Variants in UMOD observed in about 807,000 individuals in gnomAD.
UMOD encodes Tamm-Horsfall urinary glycoprotein.
UMOD carries 64 observed loss-of-function variants against 66.0 expected under a neutral mutation model. That is an observed-to-expected ratio of 0.97 (90% CI 0.79 to 1.19). The LOEUF is 1.19. UMOD is among the 50% of genes most tolerant of loss of function. The probability of loss-of-function intolerance (pLI) is 0.00; values close to 1 mark genes in which losing one functional copy is unlikely to be tolerated. For synonymous variants in UMOD, 398 were observed against 352.7 expected (o/e 1.13, Z -1.44); for missense variants, 764 against 850.9 (o/e 0.90, Z 1.27).
At position 20,350,847 on chromosome 16, in the gene UMOD, C is replaced by G. The variant is rs369625115; in HGVS notation, c.-102-8G>C. The G allele has an allele frequency of 5.1e-6, 8 of 1,559,598 alleles. No homozygotes were observed. In the East Asian group the frequency reaches 7.0e-5, roughly 14 times the overall value. ...TCTCTGATGTCTGGTGTCCTGTGAACAGAGATGGATGGGACAAATGCATGA... is the reference window on the plus strand; with the variant it reads ...TCTCTGATGTCTGGTGTCCTGTGAAGAGAGATGGATGGGACAAATGCATGA... On this transcript the variant is annotated splice_polypyrimidine_tract_variant and splice_region_variant and intron_variant, in intron 1 of 10. Transcript: ENST00000396138.
chr16:20,352,471 T>C (rs2141688078), intron 1 of UMOD: 2 of 392,266 alleles, frequency 5.1e-6, no homozygotes, highest in Non-Finnish European at 4.5e-6. Context: ...CTAATATTCA[T>C]GGAATAAGTC....
At chr16:20,345,197 A>T (rs1429445582) in intron 5 of UMOD, among the ~76,000 whole-genome samples, 1 of 152,072 alleles carries the variant, frequency 6.6e-6, no homozygotes, top group Non-Finnish European at 1.5e-5. Context: ...TATTTTTAGT[A>T]GAGAAGGGGT....
At chr16:20,341,746 T>C (rs528333733) in intron 6 of UMOD, among the ~76,000 whole-genome samples, 2 of 152,362 alleles carry the variant, frequency 1.3e-5, no homozygotes, top group South Asian at 2.1e-4. Context: ...GATTCCTTCT[T>C]TGGTCTCAAT....
At chr16:20,352,602 G>A (rs370017768) in intron 1 of UMOD, 87 bp downstream of exon 1, 2 of 1,058,124 alleles carry the variant, frequency 1.9e-6, no homozygotes, top group Non-Finnish European at 1.2e-6. Flanking sequence ...TGACCCCAGT[G>A]TCCAAGGTCT....
chr16:20,353,758 ATC>A (rs1448217931), upstream of UMOD, among the ~76,000 whole-genome samples: 279 of 138,254 alleles, frequency 2.0e-3, 1 homozygote, highest in African/African-American at 7.0e-3. Flanking sequence ...CACTGCATTG[ATC>A]TTTTTTTTTT....
chr16:20,348,994 C>G lies in UMOD; in HGVS notation c.307G>C (p.Gly103Arg), dbSNP rs28934584. 1 of 1,577,554 alleles carries G rather than the reference C, an allele frequency of 6.3e-7. No homozygotes were observed. Among genetic ancestry groups the G allele is most frequent in the Non-Finnish European group, 8.6e-7 (1 of 1,161,752 alleles). ...TCATCCACGTCTGTGCAGCCGAGAC[C>G]GGGCGACAGGCGGAAGCCTTCGGGG... ...VCPEGFRLSP[G>R]LGCTDVDECA... Residue 103 changes from glycine (G) to arginine (R), a missense_variant, in exon 3 of 11, where the codon GGT (glycine) becomes CGT (arginine). Gly to Arg is a moderately radical substitution (Grantham distance 125). Transcript: ENST00000396138.
Position 20,335,656 on chromosome 16 carries a change from C to T in UMOD, c.1823-136G>A, listed in dbSNP as rs1186324518. 1.5e-5 allele frequency: 12 copies of T among 824,002 alleles called. No homozygotes were observed. The East Asian group carries it at 1.9e-4, about 13-fold the overall frequency. 51.0% of individuals were successfully genotyped at this position (824,002 alleles called of 1,614,324 possible). A position where few individuals can be genotyped will look rare whatever the true frequency, so the allele number is the denominator to read the frequency against. ...TCAAAACCCAAATCTGATCATGTTA[C>T]TCCCCTACTTCAGACCCATCAGGGG... On this transcript the variant is annotated intron_variant, in intron 9 of 10. Coordinates refer to ENST00000396138, the MANE Select transcript of UMOD (RefSeq NM_003361.4).
At chr16:20,344,643 T>C (rs1446311366) in intron 5 of UMOD, among the ~76,000 whole-genome samples, 1 of 150,758 alleles carries the variant, frequency 6.6e-6, no homozygotes, top group Non-Finnish European at 1.5e-5. Context: ...AAACTCCCTG[T>C]GCAGCCTGAA....
chr16:20,339,423 A>C (rs1050161111), intron 7 of UMOD, among the ~76,000 whole-genome samples: 2 of 152,270 alleles, frequency 1.3e-5, no homozygotes, highest in Non-Finnish European at 2.9e-5. Flanking sequence ...GCAGACAAGT[A>C]TCACTTGCAT....
chr16:20,350,613 T>C, intron 2 of UMOD, 37 bp downstream of exon 2: 2 of 1,612,108 alleles, frequency 1.2e-6, no homozygotes, highest in Non-Finnish European at 1.7e-6. Flanking sequence ...TACACGTGCA[T>C]ACACACATAT....
In UMOD at chr16:20,333,272, G is replaced by T; in HGVS notation, c.*42C>A. ...GCATCATGCCCCCTGCCCAGCAGGA[G>T]GTGAGATGGCAGCCATGGAGCACAG... On this transcript the variant is annotated 3_prime_UTR_variant, in exon 11 of 11. Transcript: ENST00000396138. 3 of 1,596,436 alleles carry T rather than the reference G, an allele frequency of 1.9e-6. No individual in the cohort carries two copies. Among genetic ancestry groups the T allele is most frequent in the South Asian group, 2.2e-5 (2 of 89,526 alleles).
rs769028409 is a variant in UMOD, at chr16:20,335,473, TG to T, written c.1861+8del. The T allele has an allele frequency of 2.5e-6, 4 of 1,614,058 alleles. No homozygotes were observed. The South Asian group carries it at 4.4e-5, about 18-fold the overall frequency. ...AACAGGTCCCACTGCAGAAAGGACCTGAACTTACCCAAGCTGCTAAAAGCCC... is the reference window on the plus strand; with the variant it reads ...AACAGGTCCCACTGCAGAAAGGACCTAACTTACCCAAGCTGCTAAAAGCCC... On this transcript the variant is annotated splice_region_variant and intron_variant, in intron 10 of 10. Transcript: ENST00000396138.
chr16:20,351,723 G>GA (rs145915865), intron 1 of UMOD, among the ~76,000 whole-genome samples: 4,823 of 152,196 alleles, frequency 0.032, 148 homozygotes, highest in African/African-American at 0.075. Flanking sequence ...TGTACTAAAA[G>GA]AAAAACATTT....
chr16:20,335,651 T>A (rs1964829615), intron 9 of UMOD, 131 bp from the exon 10 acceptor site: 4 of 850,320 alleles, frequency 4.7e-6, no homozygotes, highest in Non-Finnish European at 7.8e-6. Context: ...AATCTGATCA[T>A]GTTACTCCCC....
intron 7 of UMOD, among the ~76,000 whole-genome samples, chr16:20,338,266 C>T (rs754838552): frequency 1.8e-4 from 27 of 152,180 alleles, no homozygotes; most frequent in Admixed American, 1.1e-3. Flanking sequence ...GAGGGCTCCA[C>T]GTGCTCAAGC....
chr16:20,333,227 T>G lies in UMOD; in HGVS notation c.*87A>C. ...TGAACAAAGCATGAACTTTCTTTTC[T>G]GTGGCTGGAGCACTGGCCCGCATCA... On this transcript the variant is annotated 3_prime_UTR_variant, in exon 11 of 11. Transcript: ENST00000396138. The G allele has an allele frequency of 7.3e-7, 1 of 1,362,368 alleles. No homozygotes were observed. The highest frequency in any genetic ancestry group is 1.0e-6 in the Non-Finnish European group (1 of 967,866). The allele number at this position is 1,362,368 out of a possible 1,614,324, so 84.4% of individuals were successfully genotyped here.
chr16:20,349,577 A>G, intron 2 of UMOD: 2 of 1,254,742 alleles, frequency 1.6e-6, no homozygotes, highest in Non-Finnish European at 2.1e-6. Context: ...CAGCTTCCCA[A>G]AAAGTTGGGA....
At chr16:20,341,404 A>T in intron 6 of UMOD, 68 bp from the exon 7 acceptor site, 1 of 1,602,568 alleles carries the variant, frequency 6.2e-7, no homozygotes, top group South Asian at 1.1e-5. Context: ...ACCTTCTCTG[A>T]TTTGCATTCC....
chr16:20,341,818 T>G (rs1289828921), intron 6 of UMOD, among the ~76,000 whole-genome samples: 1 of 152,222 alleles, frequency 6.6e-6, no homozygotes, highest in Non-Finnish European at 1.5e-5. Flanking sequence ...CTGGCCTCCA[T>G]CGTGATGTAC....
Sources: gnomAD v4.1 joint callset for allele counts (sites outside exome capture counted in the v4.1 genomes callset) on GRCh38, gnomAD v4.1.1 for gene constraint, MANE v1.5 for transcripts, NCBI Gene and HGNC (gene_info 2026-07-23, HGNC 2026-07-21) for gene names.